The following ACTR3C variants were observed in gnomAD, a reference collection of about 807,000 sequenced individuals.
ACTR3C encodes actin-related protein 3C.
Under a neutral mutation model 26.3 loss-of-function variants are expected in ACTR3C, and 18 were observed. That is an observed-to-expected ratio of 0.68 (90% CI 0.47 to 1.01). The LOEUF (loss-of-function observed/expected upper bound fraction) is 1.01. Among genes scored for constraint, ACTR3C ranks in the 50% least tolerant of loss-of-function variants. The pLI is 0.00. For synonymous variants in ACTR3C, 55 were observed against 94.5 expected (o/e 0.58, Z 2.42); for missense variants, 184 against 250.7 (o/e 0.73, Z 1.80).
At chr7:150,199,085 G>GCCCCCC in the ACTR3C span, among the ~76,000 whole-genome samples, 5 of 146,426 alleles carry the variant, frequency 3.4e-5, no homozygotes, top group African/African-American at 1.4e-4. Context: ...CTGCCCGGCC[G>GCCCCCC]CCCCCCCGTC....
the ACTR3C span, among the ~76,000 whole-genome samples, chr7:149,913,886 C>CTT: frequency 1.7e-5 from 2 of 118,954 alleles, no homozygotes; most frequent in African/African-American, 6.7e-5. Context: ...TCATATGTCC[C>CTT]TTTTTTTTTT....
chr7:150,018,396 C>G, the ACTR3C span, among the ~76,000 whole-genome samples: 1 of 148,670 alleles, frequency 6.7e-6, no homozygotes, highest in African/African-American at 2.6e-5. Flanking sequence ...GAGATACCCT[C>G]AATGTTTTGA....
chr7:150,132,525 AG>A, the ACTR3C span, among the ~76,000 whole-genome samples: 3 of 152,338 alleles, frequency 2.0e-5, no homozygotes, highest in Admixed American at 2.0e-4. Flanking sequence ...ACTCATCATC[AG>A]GGAAATGCAA....
chr7:150,097,496 A>G, the ACTR3C span, among the ~76,000 whole-genome samples: 1 of 151,802 alleles, frequency 6.6e-6, no homozygotes, highest in East Asian at 1.9e-4. Context: ...GCCAAGTAGA[A>G]CTGAGCAAAG....
the ACTR3C span, among the ~76,000 whole-genome samples, chr7:149,980,243 C>A: frequency 4.6e-5 from 7 of 152,320 alleles, no homozygotes; most frequent in African/African-American, 1.7e-4. Context: ...ATATTTATAT[C>A]TTGAACACAC....
At chr7:150,236,950 T>C in the ACTR3C span, among the ~76,000 whole-genome samples, 1 of 151,498 alleles carries the variant, frequency 6.6e-6, no homozygotes, top group South Asian at 2.1e-4. Context: ...AGAAAAGGGC[T>C]ATTAAAGCCT....
chr7:150,247,881 C>T (rs1832553895), intron 7 of ACTR3C: 1 of 152,198 alleles, frequency 6.6e-6, no homozygotes, highest in African/African-American at 2.4e-5. Flanking sequence ...CCTGCTCCCA[C>T]TTCACCTTCC....
At chr7:150,211,708 C>T in the ACTR3C span, among the ~76,000 whole-genome samples, 1 of 150,974 alleles carries the variant, frequency 6.6e-6, no homozygotes, top group East Asian at 1.9e-4. Context: ...CCACCTGACA[C>T]ATAACAGGTG....
the ACTR3C span, among the ~76,000 whole-genome samples, chr7:150,195,409 G>A: frequency 8.5e-5 from 13 of 152,082 alleles, no homozygotes; most frequent in East Asian, 2.3e-3. Flanking sequence ...TCTGCCTCAA[G>A]GAATTCTTTT....
At chr7:150,013,890 C>T in the ACTR3C span, among the ~76,000 whole-genome samples, 586 of 152,322 alleles carry the variant, frequency 3.8e-3, 4 homozygotes, top group African/African-American at 0.014. Context: ...TATTCTCCTT[C>T]AGAACTTCCA....
chr7:150,221,790 T>C, the ACTR3C span, among the ~76,000 whole-genome samples: 2 of 151,972 alleles, frequency 1.3e-5, no homozygotes, highest in South Asian at 2.1e-4. Flanking sequence ...GTCAGGAGAT[T>C]GAGACCATCC....
At chr7:150,095,713 T>C in the ACTR3C span, among the ~76,000 whole-genome samples, 1 of 149,822 alleles carries the variant, frequency 6.7e-6, no homozygotes, top group South Asian at 2.1e-4. Flanking sequence ...TCTTTTGACA[T>C]AACGGACTAT....
chr7:150,121,144 AG>A, the ACTR3C span, among the ~76,000 whole-genome samples: 1 of 152,232 alleles, frequency 6.6e-6, no homozygotes, highest in South Asian at 2.1e-4. Context: ...AATGGGCAAA[AG>A]CTGGAAACAT....
chr7:150,206,406 TTTTTA>T, the ACTR3C span, among the ~76,000 whole-genome samples: 4 of 152,036 alleles, frequency 2.6e-5, no homozygotes, highest in South Asian at 2.1e-4. Context: ...GGTGGGGTTT[TTTTTA>T]TTTTATTATT....
chr7:150,193,036 C>T, the ACTR3C span, among the ~76,000 whole-genome samples: 3 of 152,184 alleles, frequency 2.0e-5, no homozygotes, highest in Non-Finnish European at 4.4e-5. Flanking sequence ...CCCAAACTTC[C>T]TTATAAAAGC....
chr7:150,108,924 A>C, the ACTR3C span, among the ~76,000 whole-genome samples: 1 of 151,820 alleles, frequency 6.6e-6, no homozygotes, highest in Non-Finnish European at 1.5e-5. Flanking sequence ...GGAAGTTGCA[A>C]GAACCTCCTG....
At chr7:149,949,985 C>T in the ACTR3C span, among the ~76,000 whole-genome samples, 3,626 of 140,048 alleles carry the variant, frequency 0.026, 86 homozygotes, top group Non-Finnish European at 0.037. Context: ...GAGTGCACTC[C>T]CTGGACAGGG....
the ACTR3C span, among the ~76,000 whole-genome samples, chr7:150,009,881 C>CT: frequency 6.6e-6 from 1 of 152,246 alleles, no homozygotes; most frequent in Non-Finnish European, 1.5e-5. Flanking sequence ...CTCTCACTCT[C>CT]TCCCTCCAAC....
At chr7:150,227,694 T>TG in the ACTR3C span, among the ~76,000 whole-genome samples, 4 of 140,140 alleles carry the variant, frequency 2.9e-5, no homozygotes, top group South Asian at 2.2e-4. Flanking sequence ...CTGGGTTTTT[T>TG]TTTTTTGTTT....
Sources: gnomAD v4.1 joint callset for allele counts (sites outside exome capture counted in the v4.1 genomes callset) on GRCh38, gnomAD v4.1.1 for gene constraint, MANE v1.5 for transcripts, NCBI Gene and HGNC (gene_info 2026-07-23, HGNC 2026-07-21) for gene names.